Variants in TPD52 observed in about 807,000 individuals in gnomAD.
The protein encoded by TPD52 is tumor protein D52, also known as prostate and colon associated protein.
TPD52 carries 17 observed loss-of-function variants against 31.3 expected under a neutral mutation model. That is an observed-to-expected ratio of 0.54 (90% CI 0.37 to 0.82). TPD52 has a LOEUF of 0.82. Ranked by LOEUF, TPD52 falls within the 40% of genes least tolerant of loss-of-function variation. The pLI is 0.00. For synonymous variants in TPD52, 83 were observed against 89.6 expected (o/e 0.93, Z 0.42); for missense variants, 212 against 240.1 (o/e 0.88, Z 0.77).
At chr8:80,044,035 G>T in intron 6 of TPD52, 132 bp downstream of exon 6, 1 of 701,694 alleles carries the variant, frequency 1.4e-6, no homozygotes, top group South Asian at 1.8e-5. Flanking sequence ...GCTGAAAACT[G>T]ATAGAGTGTT....
rs1806754537 is a variant in TPD52 at position 80,101,692 on chromosome 8, CAA to C, written c.20-37101_20-37100del. 2.6e-5 allele frequency among the ~76,000 whole-genome samples: 4 copies of C among 152,160 alleles called. No individual in the cohort carries two copies. In the Middle Eastern group the frequency reaches 0.01, roughly 391 times the overall value. On this transcript the variant is annotated intron_variant, in intron 1 of 7. Coordinates refer to ENST00000518937, the MANE Select transcript of TPD52 (RefSeq NM_001025253.3). Reference sequence around the variant, plus strand: ...GCGCATCACATGGTGAGAGAAGGAACAAGAGAGGGACCAGGTTCTTTGAAACA... The same window carrying C: ...GCGCATCACATGGTGAGAGAAGGAACGAGAGGGACCAGGTTCTTTGAAACA...
intron 1 of TPD52, among the ~76,000 whole-genome samples, chr8:80,141,314 GC>G (rs1809814037): frequency 6.6e-6 from 1 of 152,078 alleles, no homozygotes; most frequent in South Asian, 2.1e-4. Flanking sequence ...CTCTGGGTAG[GC>G]CCCTTCCACG....
intron 3 of TPD52, chr8:80,052,578 T>G: frequency 7.8e-7 from 1 of 1,281,090 alleles, no homozygotes; most frequent in Middle Eastern, 2.1e-4. Context: ...TTCTGATAGT[T>G]AAATTGTAAA....
chr8:80,060,244 T>C (rs1812372576), intron 2 of TPD52, among the ~76,000 whole-genome samples: 1 of 149,090 alleles, frequency 6.7e-6, no homozygotes, highest in Non-Finnish European at 1.5e-5. Context: ...TAAAAGAATA[T>C]TATGAGCAAT....
chr8:80,171,427 T>C lies in TPD52; in HGVS notation c.17A>G (p.Gln6Arg), dbSNP rs750819017. 4 of 1,595,512 alleles carry C rather than the reference T, an allele frequency of 2.5e-6. No individual in the cohort carries two copies. The highest frequency in any genetic ancestry group is 8.5e-7 in the Non-Finnish European group (1 of 1,177,798). Residue 6 changes from glutamine (Q) to arginine (R), a missense_variant and splice_region_variant, in exon 1 of 8, where the codon CAA becomes CGA. Gln to Arg is a conservative substitution (Grantham distance 43). Coordinates refer to ENST00000518937, the MANE Select transcript of TPD52 (RefSeq NM_001025253.3). The part of the protein sequence containing the change: MDRGE[Q>R]GLLRTDPVPE... ...GCCCGCTGGGTCCGCGCCCTCACCT[T>C]GCTCGCCGCGGTCCATGTCTCCAGC...
chr8:80,150,151 G>A (rs1810470151), intron 1 of TPD52, among the ~76,000 whole-genome samples: 1 of 152,248 alleles, frequency 6.6e-6, no homozygotes, highest in Non-Finnish European at 1.5e-5. Context: ...ATGGCTAAAA[G>A]GGGCCAAGGT....
At chr8:80,092,765 C>A (rs1586282455) in intron 1 of TPD52, among the ~76,000 whole-genome samples, 2 of 114,060 alleles carry the variant, frequency 1.8e-5, no homozygotes, top group Admixed American at 8.9e-5. Context: ...TATACACATT[C>A]TACCACAATT....
intron 1 of TPD52, among the ~76,000 whole-genome samples, chr8:80,082,522 T>C (rs912861471): frequency 1.3e-5 from 2 of 152,256 alleles, no homozygotes; most frequent in South Asian, 2.1e-4. Flanking sequence ...TCCATCCTTC[T>C]CACCATCTCT....
At chr8:80,108,888 T>C (rs1464054993) in intron 1 of TPD52, among the ~76,000 whole-genome samples, 1 of 152,240 alleles carries the variant, frequency 6.6e-6, no homozygotes, top group Non-Finnish European at 1.5e-5. Flanking sequence ...AAGATTGAAG[T>C]ATTTACTTTT....
At chr8:80,099,179 T>C (rs1806549290) in intron 1 of TPD52, among the ~76,000 whole-genome samples, 1 of 152,234 alleles carries the variant, frequency 6.6e-6, no homozygotes, top group Admixed American at 6.5e-5. Context: ...TTGCTATATT[T>C]GCTTTAATTA....
intron 1 of TPD52, among the ~76,000 whole-genome samples, chr8:80,076,445 C>T (rs1349656022): frequency 2.6e-5 from 4 of 151,546 alleles, no homozygotes; most frequent in Non-Finnish European, 5.9e-5. Context: ...TAAGTGGGGG[C>T]AAAATGATGA....
intron 1 of TPD52, among the ~76,000 whole-genome samples, chr8:80,133,254 C>G (rs1549461): frequency 0.43 from 65,608 of 151,932 alleles, 14,767 homozygotes; most frequent in East Asian, 0.79. Flanking sequence ...ATTATCGGCC[C>G]CTCTTCCTGG....
intron 1 of TPD52, among the ~76,000 whole-genome samples, chr8:80,144,583 A>G (rs567075404): frequency 3.9e-5 from 6 of 152,264 alleles, no homozygotes; most frequent in African/African-American, 1.2e-4. Flanking sequence ...CTTACATTAA[A>G]TATTTATTAG....
At chr8:80,161,731 TA>T (rs1323275548) in intron 1 of TPD52, among the ~76,000 whole-genome samples, 206 of 36,394 alleles carry the variant, frequency 5.7e-3, no homozygotes, top group African/African-American at 0.025. Context: ...TATATATATA[TA>T]TTTTTTTTTT....
chr8:80,094,474 ATATATATAT>A (rs1816570467), intron 1 of TPD52, among the ~76,000 whole-genome samples: 1 of 101,030 alleles, frequency 9.9e-6, no homozygotes, highest in Non-Finnish European at 2.1e-5. Flanking sequence ...ATATATATAT[ATATATATAT>A]ATGTATGTAT....
intron 1 of TPD52, among the ~76,000 whole-genome samples, chr8:80,092,132 T>A (rs1816323114): frequency 6.6e-6 from 1 of 152,234 alleles, no homozygotes; most frequent in African/African-American, 2.4e-5. Flanking sequence ...GGGGCATCTA[T>A]CACCTCGAGT....
At chr8:80,160,454 C>G (rs988614419) in intron 1 of TPD52, among the ~76,000 whole-genome samples, 5 of 152,164 alleles carry the variant, frequency 3.3e-5, no homozygotes, top group Non-Finnish European at 7.3e-5. Context: ...CGTCATCATT[C>G]TCATTCTGGG....
intron 1 of TPD52, among the ~76,000 whole-genome samples, chr8:80,120,425 G>A (rs1419999362): frequency 6.6e-6 from 1 of 152,072 alleles, no homozygotes; most frequent in Admixed American, 6.6e-5. Flanking sequence ...GGAGACAGAG[G>A]TTGCAGTGAG....
chr8:80,098,895 T>G (rs975082923), intron 1 of TPD52, among the ~76,000 whole-genome samples: 1 of 152,108 alleles, frequency 6.6e-6, no homozygotes, highest in Admixed American at 6.6e-5. Flanking sequence ...CCCTGATCAG[T>G]CAGCAGCCAT....
Sources: gnomAD v4.1 joint callset for allele counts (sites outside exome capture counted in the v4.1 genomes callset) on GRCh38, gnomAD v4.1.1 for gene constraint, MANE v1.5 for transcripts, NCBI Gene and HGNC (gene_info 2026-07-23, HGNC 2026-07-21) for gene names.